MEIS1: variants seen among roughly 807,000 people sequenced by gnomAD.
MEIS1 encodes homeobox protein Meis1.
In MEIS1, 5 loss-of-function variants were observed where a neutral mutation model predicts 50.8. The observed-to-expected ratio is 0.10, with a 90% CI of 0.05 to 0.21. The LOEUF is 0.21. Ranked by LOEUF, MEIS1 falls within the 10% of genes least tolerant of loss-of-function variation. MEIS1 has a pLI of 1.00. For synonymous variants in MEIS1, 176 were observed against 179.3 expected (o/e 0.98, Z 0.15); for missense variants, 318 against 517.3 (o/e 0.61, Z 3.74).
At chr2:66,455,027 C>A (rs1672357368) in intron 6 of MEIS1, among the ~76,000 whole-genome samples, 1 of 151,918 alleles carries the variant, frequency 6.6e-6, no homozygotes, top group Non-Finnish European at 1.5e-5. Flanking sequence ...CACCTGGAGT[C>A]ATTAAAGTCA....
chr2:66,500,134 C>G (rs1206965663), intron 7 of MEIS1, among the ~76,000 whole-genome samples: 1 of 152,172 alleles, frequency 6.6e-6, no homozygotes, highest in Non-Finnish European at 1.5e-5. Context: ...AACTGTTCTT[C>G]AATTGAGGGT....
At chr2:66,484,277 T>C (rs1673084768) in intron 7 of MEIS1, among the ~76,000 whole-genome samples, 1 of 152,216 alleles carries the variant, frequency 6.6e-6, no homozygotes. Flanking sequence ...GACTACCCGC[T>C]CACCCTCTCT....
chr2:66,467,124 A>G (rs1001119488), intron 7 of MEIS1, among the ~76,000 whole-genome samples: 1 of 152,202 alleles, frequency 6.6e-6, no homozygotes, highest in African/African-American at 2.4e-5. Context: ...AGATAAAATG[A>G]AATAAGTTAT....
chr2:66,440,049 ACGCGCG>A (rs755829146), intron 3 of MEIS1, 65 bp downstream of exon 3: 18 of 1,078,506 alleles, frequency 1.7e-5, no homozygotes, highest in Admixed American at 8.5e-5. Flanking sequence ...GCCAACACAC[ACGCGCG>A]CGCGCGCGCG....
intron 7 of MEIS1, among the ~76,000 whole-genome samples, chr2:66,499,576 A>G (rs1448898043): frequency 2.0e-5 from 3 of 152,022 alleles, no homozygotes; most frequent in Non-Finnish European, 4.4e-5. Context: ...ATTCCCAGGA[A>G]GACAGGGAGA....
intron 9 of MEIS1, among the ~76,000 whole-genome samples, chr2:66,560,849 C>T (rs561575276): frequency 1.3e-5 from 2 of 152,124 alleles, no homozygotes; most frequent in African/African-American, 4.8e-5. Context: ...CTCTACCTCC[C>T]CTACCCGCAG....
In MEIS1 at chr2:66,495,078, ACC is replaced by A. The variant is rs780277380; in HGVS notation, c.743-17070_743-17069del. On this transcript the variant is annotated intron_variant, in intron 7 of 12. Transcript: ENST00000272369. Reference sequence around the variant, plus strand: ...CAGAATGCCCACTTTCCCTCTTCTGACCTTTTTTTTTTTTTTTTTTTTTTTTT... The same window carrying A: ...CAGAATGCCCACTTTCCCTCTTCTGATTTTTTTTTTTTTTTTTTTTTTTTT... 6.2e-3 allele frequency among the ~76,000 whole-genome samples: 531 copies of A among 85,050 alleles called. 70 individuals carry two copies. Among genetic ancestry groups the A allele is most frequent in the Middle Eastern group, 0.025 (3 of 118 alleles). 55.8% of individuals were successfully genotyped at this position (85,050 alleles called of 152,430 possible). A position where few individuals can be genotyped will look rare whatever the true frequency, so the allele number is the denominator to read the frequency against.
chr2:66,460,401 T>G (rs950593724), intron 6 of MEIS1, among the ~76,000 whole-genome samples: 1 of 152,146 alleles, frequency 6.6e-6, no homozygotes, highest in Non-Finnish European at 1.5e-5. Context: ...ACAACTTATT[T>G]TGAAGTGTTC....
chr2:66,457,834 C>T (rs1262978477), intron 6 of MEIS1, among the ~76,000 whole-genome samples: 1 of 152,192 alleles, frequency 6.6e-6, no homozygotes, highest in East Asian at 1.9e-4. Flanking sequence ...GAGTACCATG[C>T]ACACTGGTGC....
intron 1 of MEIS1, chr2:66,436,848 A>C (rs182998815): frequency 1.2e-5 from 12 of 977,200 alleles, no homozygotes; most frequent in Admixed American, 6.2e-5. Flanking sequence ...CACACACAAA[A>C]TAATGACAAT....
At chr2:66,555,280 C>CTCTCTCTCTCTCCCTCT (rs10695722) in intron 9 of MEIS1, among the ~76,000 whole-genome samples, 2 of 133,848 alleles carry the variant, frequency 1.5e-5, no homozygotes, top group African/African-American at 5.7e-5. Context: ...CTCTCTCTCT[C>CTCTCTCTCTCTCCCTCT]GTCTCTCTCC....
At chr2:66,545,979 C>T (rs897367432) in intron 8 of MEIS1, among the ~76,000 whole-genome samples, 18 of 152,124 alleles carry the variant, frequency 1.2e-4, no homozygotes, top group African/African-American at 4.3e-4. Context: ...ACAGCCATTC[C>T]TTTGTTCCAC....
chr2:66,543,499 T>G (rs1457475544), intron 8 of MEIS1, among the ~76,000 whole-genome samples: 1 of 152,188 alleles, frequency 6.6e-6, no homozygotes, highest in Non-Finnish European at 1.5e-5. Flanking sequence ...CCAGCATCTC[T>G]TCTCTCTGCA....
chr2:66,469,145 A>T (rs1207022334), intron 7 of MEIS1, among the ~76,000 whole-genome samples: 1 of 152,080 alleles, frequency 6.6e-6, no homozygotes, highest in Non-Finnish European at 1.5e-5. Flanking sequence ...CCCACTTATG[A>T]ACTTCTCCTT....
chr2:66,539,911 CCT>C (rs941153232), intron 8 of MEIS1, among the ~76,000 whole-genome samples: 14 of 152,160 alleles, frequency 9.2e-5, no homozygotes, highest in Non-Finnish European at 1.6e-4. Flanking sequence ...GCAACTCTTT[CCT>C]CTCTGTTCAC....
At chr2:66,556,491 C>CT (rs11369455) in intron 9 of MEIS1, among the ~76,000 whole-genome samples, 132,358 of 144,244 alleles carry the variant, frequency 0.92, 60,942 homozygotes, top group East Asian at 0.97. Flanking sequence ...GATAAAGTCA[C>CT]TTTTTTTTTT....
At chr2:66,492,249 G>A (rs77568580) in intron 7 of MEIS1, among the ~76,000 whole-genome samples, 53 of 151,858 alleles carry the variant, frequency 3.5e-4, no homozygotes, top group African/African-American at 1.1e-3. Flanking sequence ...GAACCTTTCC[G>A]TCTGTGTGAA....
chr2:66,502,312 C>T (rs568061593), intron 7 of MEIS1, among the ~76,000 whole-genome samples: 123 of 152,258 alleles, frequency 8.1e-4, no homozygotes, highest in African/African-American at 2.9e-3. Context: ...ATATAATGAT[C>T]AGTTTGGAAA....
At chr2:66,436,280 A>G (rs754174997) in intron 1 of MEIS1, among the ~76,000 whole-genome samples, 2 of 152,232 alleles carry the variant, frequency 1.3e-5, no homozygotes, top group African/African-American at 2.4e-5. Context: ...CACTAGAAGT[A>G]TTCAGCTTTT....
Sources: gnomAD v4.1 joint callset for allele counts (sites outside exome capture counted in the v4.1 genomes callset) on GRCh38, gnomAD v4.1.1 for gene constraint, MANE v1.5 for transcripts, NCBI Gene and HGNC (gene_info 2026-07-23, HGNC 2026-07-21) for gene names.